PCSK5: variants seen among roughly 807,000 people sequenced by gnomAD.
The protein encoded by PCSK5 is proprotein convertase subtilisin/kexin type 5.
In PCSK5, 129 loss-of-function variants were observed where a neutral mutation model predicts 233.2. The ratio of observed to expected loss-of-function variants is 0.55; its 90% CI spans 0.48 to 0.64. PCSK5 has a LOEUF of 0.64. Among genes scored for constraint, PCSK5 ranks in the 30% least tolerant of loss-of-function variants. PCSK5 has a pLI of 0.00. For synonymous variants in PCSK5, 825 were observed against 879.2 expected, an observed-to-expected ratio of 0.94 and a Z score of 1.09; for missense variants, 2,076 against 2,430.1, an observed-to-expected ratio of 0.85 and a Z score of 3.06.
At chr9:75,957,093 G>T (rs1407409556) in intron 2 of PCSK5, among the ~76,000 whole-genome samples, 1 of 152,086 alleles carries the variant, frequency 6.6e-6, no homozygotes, top group Non-Finnish European at 1.5e-5. Flanking sequence ...TTACCCATCA[G>T]CGAGTTATAA....
At chr9:76,194,757 A>C (rs1315885826) in intron 20 of PCSK5, 1 of 467,002 alleles carries the variant, frequency 2.1e-6, no homozygotes, top group Non-Finnish European at 4.4e-6. Context: ...TGTTTAGGGG[A>C]GCCTAGACTG....
chr9:75,891,528 TACGCAC>T (rs1324860470), intron 1 of PCSK5, among the ~76,000 whole-genome samples, 155 bp downstream of exon 1: 3 of 56,438 alleles, frequency 5.3e-5, no homozygotes, highest in African/African-American at 1.5e-4. Flanking sequence ...CGCGCGCGCG[TACGCAC>T]ACACACACAC....
intron 20 of PCSK5, among the ~76,000 whole-genome samples, chr9:76,209,985 A>G (rs1825268608): frequency 6.6e-6 from 1 of 152,146 alleles, no homozygotes. Context: ...GAGTGGGCAC[A>G]CTTCAAATGG....
chr9:76,198,886 A>G (rs1166531422), intron 20 of PCSK5, among the ~76,000 whole-genome samples: 2 of 152,208 alleles, frequency 1.3e-5, no homozygotes, highest in Admixed American at 6.5e-5. Context: ...AGCTCACTTC[A>G]CTAATCACGT....
At chr9:75,940,487 G>A (rs1467955344) in intron 2 of PCSK5, among the ~76,000 whole-genome samples, 2 of 152,220 alleles carry the variant, frequency 1.3e-5, no homozygotes, top group African/African-American at 4.8e-5. Context: ...GACAGGAAGG[G>A]AGAAATGAAG....
chr9:76,136,461 C>G (rs1822982782), intron 10 of PCSK5, among the ~76,000 whole-genome samples: 1 of 151,960 alleles, frequency 6.6e-6, no homozygotes, highest in Admixed American at 6.6e-5. Context: ...TCAACAAGGG[C>G]TTGTATTTAA....
rs893200089 is a variant in PCSK5 at position 76,143,205 on chromosome 9, A to G, written c.1312+8993A>G. On this transcript the variant is annotated intron_variant, in intron 10 of 37. Transcript: ENST00000674117. Reference sequence around the variant, plus strand: ...TTGTGTTTCTCGGGGACTGGAAATTATAACTGGAGGAGACAGCCATGGTGA... The same window carrying G: ...TTGTGTTTCTCGGGGACTGGAAATTGTAACTGGAGGAGACAGCCATGGTGA... Among the ~76,000 whole-genome samples, 11 of 152,130 alleles carry G rather than the reference A, an allele frequency of 7.2e-5. No individual in the cohort carries two copies. The East Asian group carries it at 1.9e-3, about 27-fold the overall frequency.
intron 12 of PCSK5, among the ~76,000 whole-genome samples, chr9:76,161,552 C>A (rs1296706560): frequency 6.6e-6 from 1 of 150,780 alleles, no homozygotes; most frequent in Admixed American, 6.6e-5. Flanking sequence ...GATCGTGTTC[C>A]CCCGAGCCCC....
rs75353287 is a variant in PCSK5 at position 76,359,494 on chromosome 9, C to T, written c.*572C>T. On this transcript the variant is annotated 3_prime_UTR_variant, in exon 38 of 38. Transcript: ENST00000674117. ...GCCACCCCTGGTGAGCAGAAGAGAC[C>T]ACCTGGGCTGGGCTGCTCAGGACCT... 4.5e-3 allele frequency: 700 copies of T among 156,550 alleles called. 9 individuals carry two copies. The highest frequency in any genetic ancestry group is 0.016 in the African/African-American group (670 of 41,502). The allele number at this position is 156,550 out of a possible 1,614,324, so 9.7% of individuals were successfully genotyped here.
At chr9:76,049,506 A>C (rs1301016167) in intron 5 of PCSK5, among the ~76,000 whole-genome samples, 2 of 152,174 alleles carry the variant, frequency 1.3e-5, no homozygotes, top group African/African-American at 2.4e-5. Context: ...AAATGGTAAC[A>C]AGGAAACTCA....
chr9:76,224,559 G>A (rs1414497975), intron 20 of PCSK5, among the ~76,000 whole-genome samples: 1 of 152,202 alleles, frequency 6.6e-6, no homozygotes, highest in East Asian at 1.9e-4. Context: ...GAGATTGGAA[G>A]AGATGAATGA....
At chr9:76,050,997 A>AT (rs1829610324) in intron 5 of PCSK5, among the ~76,000 whole-genome samples, 1 of 152,182 alleles carries the variant, frequency 6.6e-6, no homozygotes, top group African/African-American at 2.4e-5. Flanking sequence ...TGCTCATAAG[A>AT]GCAATATTTT....
At chr9:76,061,079 G>GGT (rs1830012482) in intron 5 of PCSK5, among the ~76,000 whole-genome samples, 1 of 151,884 alleles carries the variant, frequency 6.6e-6, no homozygotes, top group South Asian at 2.1e-4. Context: ...ATTTATAAAT[G>GGT]GTGTGTTTCA....
chr9:75,958,514 G>T (rs1825194693), intron 2 of PCSK5, among the ~76,000 whole-genome samples: 1 of 152,178 alleles, frequency 6.6e-6, no homozygotes, highest in Admixed American at 6.5e-5. Context: ...GAGGCAGCTT[G>T]GTTCAGGGGA....
intron 17 of PCSK5, among the ~76,000 whole-genome samples, chr9:76,185,691 GAGA>G (rs919365898): frequency 2.6e-5 from 4 of 152,122 alleles, no homozygotes; most frequent in African/African-American, 9.7e-5. Flanking sequence ...ATTCTTCTTG[GAGA>G]AGGAGCAAAG....
At chr9:76,340,040 T>A (rs1829785796) in intron 35 of PCSK5, among the ~76,000 whole-genome samples, 1 of 152,108 alleles carries the variant, frequency 6.6e-6, no homozygotes, top group Non-Finnish European at 1.5e-5. Context: ...AGATTCAGCT[T>A]GAGTATCATC....
At chr9:76,288,768 A>G (rs1009159086) in intron 24 of PCSK5, among the ~76,000 whole-genome samples, 1 of 152,200 alleles carries the variant, frequency 6.6e-6, no homozygotes, top group East Asian at 1.9e-4. Context: ...ACTTGTATGT[A>G]TCCTGAATTA....
intron 30 of PCSK5, among the ~76,000 whole-genome samples, chr9:76,318,242 C>T (rs1170329526): frequency 6.6e-6 from 1 of 152,032 alleles, no homozygotes; most frequent in Non-Finnish European, 1.5e-5. Flanking sequence ...TGCATGTTCT[C>T]ACTCATAAGT....
At chr9:76,333,456 C>T (rs1014741645) in intron 34 of PCSK5, among the ~76,000 whole-genome samples, 1 of 152,180 alleles carries the variant, frequency 6.6e-6, no homozygotes, top group African/African-American at 2.4e-5. Context: ...ACCTATAAAT[C>T]CACAAATTAC....
Sources: allele counts gnomAD v4.1 joint callset (sites outside exome capture counted in the v4.1 genomes callset), GRCh38; gene constraint gnomAD v4.1.1; transcripts MANE v1.5; gene names NCBI Gene and HGNC (gene_info 2026-07-23, HGNC 2026-07-21).